The following UNC5C variants were observed in gnomAD, a reference collection of about 807,000 sequenced individuals.
UNC5C encodes the protein netrin receptor UNC5C.
A neutral mutation model predicts 99.8 loss-of-function variants in UNC5C; 47 were observed. The observed-to-expected ratio is 0.47, with a 90% CI of 0.37 to 0.60. UNC5C has a LOEUF of 0.60. Among genes scored for constraint, UNC5C ranks in the 20% least tolerant of loss-of-function variants. The probability of loss-of-function intolerance (pLI) is 0.00; values close to 1 mark genes in which losing one functional copy is unlikely to be tolerated. For missense variants in UNC5C, 1,062 were observed against 1,165.9 expected, an observed-to-expected ratio of 0.91 and a Z score of 1.30; for synonymous variants, 487 against 452.2, an observed-to-expected ratio of 1.08 and a Z score of -0.98.
chr4:95,510,782 T>C (rs1722050818), intron 1 of UNC5C, among the ~76,000 whole-genome samples: 2 of 152,124 alleles, frequency 1.3e-5, no homozygotes, highest in African/African-American at 4.8e-5. Flanking sequence ...ATAATCTCCA[T>C]AGAATGGGAG....
chr4:95,214,987 G>C (rs1401537583), intron 10 of UNC5C, among the ~76,000 whole-genome samples: 2 of 152,152 alleles, frequency 1.3e-5, no homozygotes, highest in Non-Finnish European at 2.9e-5. Flanking sequence ...CATGAATAAT[G>C]CTCAAGAATT....
At chr4:95,242,049 C>T (rs767039394) in intron 7 of UNC5C, among the ~76,000 whole-genome samples, 7 of 152,106 alleles carry the variant, frequency 4.6e-5, no homozygotes, top group African/African-American at 9.7e-5. Context: ...TGGACATTTT[C>T]GTTAGGTACC....
At chr4:95,194,558 G>T (rs1331475629) in intron 12 of UNC5C, among the ~76,000 whole-genome samples, 1 of 151,958 alleles carries the variant, frequency 6.6e-6, no homozygotes, top group Non-Finnish European at 1.5e-5. Flanking sequence ...ACATTCTTTG[G>T]CTCACGGTCC....
chr4:95,411,507 CT>C (rs2149452120), intron 1 of UNC5C, among the ~76,000 whole-genome samples: 1 of 152,272 alleles, frequency 6.6e-6, no homozygotes, highest in East Asian at 1.9e-4. Context: ...TAGTAACTCT[CT>C]GGTTTCCTGA....
intron 1 of UNC5C, among the ~76,000 whole-genome samples, chr4:95,351,743 C>T (rs1329861326): frequency 6.6e-6 from 1 of 152,066 alleles, no homozygotes; most frequent in Admixed American, 6.6e-5. Flanking sequence ...TAATGCCATC[C>T]ACCATGAGAT....
At chr4:95,187,892 G>A (rs1001211969) in intron 12 of UNC5C, among the ~76,000 whole-genome samples, 9 of 152,110 alleles carry the variant, frequency 5.9e-5, no homozygotes, top group Non-Finnish European at 1.0e-4. Context: ...TAAACCCTGG[G>A]GAAAGACAAA....
rs568917339 is a variant in UNC5C at position 95,535,119 on chromosome 4, T to C, written c.124+13615A>G. ...TAGTTTTATAGAAATATATTCTAGA[T>C]TCAGAACCTGGCACAGGAAAAAAGA... On this transcript the variant is annotated intron_variant, in intron 1 of 15. Transcript: ENST00000453304. Among the ~76,000 whole-genome samples, 3 of 152,256 alleles carry C rather than the reference T, an allele frequency of 2.0e-5. 1 individual carries two copies. In the South Asian group the frequency reaches 6.2e-4, roughly 32 times the overall value.
intron 10 of UNC5C, among the ~76,000 whole-genome samples, chr4:95,210,311 AAAT>A (rs1308103922): frequency 6.6e-6 from 1 of 152,210 alleles, no homozygotes; most frequent in African/African-American, 2.4e-5. Context: ...AACAAAGAAG[AAAT>A]AATGATAAGA....
At chr4:95,206,876 A>T in intron 10 of UNC5C, 80 bp from the exon 11 acceptor site, 1 of 1,116,770 alleles carries the variant, frequency 9.0e-7, no homozygotes, top group Non-Finnish European at 1.2e-6. Context: ...GAAGGCAAAC[A>T]GGTCAAGTAG....
At position 95,301,609 on chromosome 4, in the gene UNC5C, C is replaced by CA. The variant is rs1211860731; in HGVS notation, c.486dup (p.Ala163CysfsTer8). The CA allele has an allele frequency of 6.2e-7, 1 of 1,613,932 alleles. No individual in the cohort carries two copies. Among genetic ancestry groups the CA allele is most frequent in the Non-Finnish European group, 8.5e-7 (1 of 1,180,004 alleles). ...TGCTTATTGTACAATGACTCACATGCAATGCGCACATACGCCTTCCGGCTC... is the reference window on the plus strand; with the variant it reads ...TGCTTATTGTACAATGACTCACATGCAAATGCGCACATACGCCTTCCGGCTC... On this transcript the variant is annotated frameshift_variant, in exon 3 of 16. Coordinates refer to ENST00000453304, the MANE Select transcript of UNC5C (RefSeq NM_003728.4). LOFTEE classifies it high-confidence loss of function.
rs145013421 is a variant in UNC5C, at chr4:95,182,906, G to T, written c.2442C>A (p.Thr814=). ...GEGQIFQLNC[T]VSEEPTGIDL... ...GACAGGAGCCACTTACCTCTGACAC[G>T]GTGCAGTTGAGCTGGAAGATCTGCC... The change falls in exon 14 of 16, where the codon ACC becomes ACA. Residue 814 remains threonine (T), a synonymous_variant. Transcript: ENST00000453304. The T allele has an allele frequency of 5.6e-6, 9 of 1,611,366 alleles. No individual in the cohort carries two copies. The African/African-American group carries it at 1.1e-4, about 19-fold the overall frequency.
chr4:95,316,393 G>A (rs1203188377), intron 2 of UNC5C, among the ~76,000 whole-genome samples: 1 of 152,114 alleles, frequency 6.6e-6, no homozygotes, highest in Non-Finnish European at 1.5e-5. Flanking sequence ...CAACCCCACA[G>A]CATGCAAAAC....
At chr4:95,476,786 T>C (rs1179639473) in intron 1 of UNC5C, among the ~76,000 whole-genome samples, 1 of 152,088 alleles carries the variant, frequency 6.6e-6, no homozygotes, top group Admixed American at 6.6e-5. Flanking sequence ...TTCTTAACTC[T>C]ATTAGGTGTA....
intron 1 of UNC5C, among the ~76,000 whole-genome samples, chr4:95,530,698 TG>T (rs1722617815): frequency 2.0e-5 from 3 of 152,178 alleles, no homozygotes; most frequent in Non-Finnish European, 4.4e-5. Context: ...CTTTATAACA[TG>T]ATTACAAGTT....
At chr4:95,364,108 G>A (rs1370003472) in intron 1 of UNC5C, among the ~76,000 whole-genome samples, 2 of 152,122 alleles carry the variant, frequency 1.3e-5, no homozygotes, top group African/African-American at 4.8e-5. Flanking sequence ...CAACCATGCC[G>A]TGAAACTTTC....
chr4:95,249,885 C>G (rs78584131), intron 5 of UNC5C, among the ~76,000 whole-genome samples: 140 of 152,294 alleles, frequency 9.2e-4, no homozygotes, highest in Middle Eastern at 3.4e-3. Context: ...TTATAAGAAG[C>G]TAAAATTGCT....
At chr4:95,257,972 T>G (rs1379019293) in intron 4 of UNC5C, among the ~76,000 whole-genome samples, 6 of 152,196 alleles carry the variant, frequency 3.9e-5, no homozygotes, top group Admixed American at 3.3e-4. Context: ...ATAATTCTGT[T>G]TATCATGTAA....
At chr4:95,372,199 GA>G (rs1744768511) in intron 1 of UNC5C, among the ~76,000 whole-genome samples, 1 of 152,178 alleles carries the variant, frequency 6.6e-6, no homozygotes, top group Non-Finnish European at 1.5e-5. Context: ...ATCCTGAGAA[GA>G]AATTCACTAA....
At chr4:95,537,439 C>T (rs530086702) in intron 1 of UNC5C, among the ~76,000 whole-genome samples, 2 of 152,266 alleles carry the variant, frequency 1.3e-5, no homozygotes, top group East Asian at 1.9e-4. Flanking sequence ...TGATTAATTA[C>T]TGCCCTGTTC....
Sources: gnomAD v4.1 joint callset for allele counts (sites outside exome capture counted in the v4.1 genomes callset) on GRCh38, gnomAD v4.1.1 for gene constraint, MANE v1.5 for transcripts, NCBI Gene and HGNC (gene_info 2026-07-23, HGNC 2026-07-21) for gene names.